Variants in CACNA2D3 observed in about 807,000 individuals in gnomAD.
The protein encoded by CACNA2D3 is calcium voltage-gated channel auxiliary subunit alpha2delta 3.
In CACNA2D3, 60 loss-of-function variants were observed where a neutral mutation model predicts 160.6. The observed-to-expected ratio is 0.37, with a 90% CI of 0.30 to 0.46. CACNA2D3 has a LOEUF of 0.46. Among genes scored for constraint, CACNA2D3 ranks in the 20% least tolerant of loss-of-function variants. The pLI is 1.00. For synonymous variants in CACNA2D3, 558 were observed against 492.9 expected, an observed-to-expected ratio of 1.13 and a Z score of -1.75; for missense variants, 1,205 against 1,365.0, an observed-to-expected ratio of 0.88 and a Z score of 1.85.
At chr3:54,485,175 A>G (rs968556911) in intron 4 of CACNA2D3, among the ~76,000 whole-genome samples, 1 of 152,132 alleles carries the variant, frequency 6.6e-6, no homozygotes, top group Non-Finnish European at 1.5e-5. Context: ...AATACAGTTT[A>G]CTACTACTAA....
intron 11 of CACNA2D3, among the ~76,000 whole-genome samples, chr3:54,672,738 A>T (rs551383263): frequency 6.6e-6 from 1 of 152,320 alleles, no homozygotes; most frequent in Admixed American, 6.5e-5. Flanking sequence ...CACATAAGGG[A>T]TCTGTGCTTC....
At chr3:55,059,503 G>A (rs983631344) in intron 35 of CACNA2D3, among the ~76,000 whole-genome samples, 12 of 152,212 alleles carry the variant, frequency 7.9e-5, no homozygotes, top group African/African-American at 2.4e-4. Context: ...TGGGGAACAT[G>A]CAGACGGGCA....
In CACNA2D3 at chr3:54,892,629, G is replaced by A. The variant is rs77687262; in HGVS notation, c.2246+1179G>A. On this transcript the variant is annotated intron_variant, in intron 25 of 37. Transcript: ENST00000474759. ...TTAAGCGTTTTTCCCCCAGACAATT[G>A]TTTTTCCAGAGGGCGAGTTCCTGGG... 7.6e-3 allele frequency among the ~76,000 whole-genome samples: 1,164 copies of A among 152,234 alleles called. 12 individuals carry two copies. The highest frequency in any genetic ancestry group is 0.012 in the Non-Finnish European group (817 of 68,010).
In CACNA2D3 at chr3:55,010,701, G is replaced by C. The variant is rs544175975; in HGVS notation, c.2875+1258G>C. Among the ~76,000 whole-genome samples, 14 of 152,276 alleles carry C rather than the reference G, an allele frequency of 9.2e-5. No homozygotes were observed. The East Asian group carries it at 2.5e-3, about 27-fold the overall frequency. On this transcript the variant is annotated intron_variant, in intron 34 of 37. Coordinates refer to ENST00000474759, the MANE Select transcript of CACNA2D3 (RefSeq NM_018398.3). Reference sequence around the variant, plus strand: ...TTAGTCACATATCAGCATTGCCCCAGGTGCTGGATCTATTTTAATCTAACA... The same window carrying C: ...TTAGTCACATATCAGCATTGCCCCACGTGCTGGATCTATTTTAATCTAACA...
chr3:54,465,982 G>A (rs1220205538), intron 4 of CACNA2D3, among the ~76,000 whole-genome samples: 1 of 152,224 alleles, frequency 6.6e-6, no homozygotes, highest in African/African-American at 2.4e-5. Flanking sequence ...CCCCTGCCTT[G>A]CTGGTTGTCC....
chr3:54,779,839 G>A (rs928519789), intron 13 of CACNA2D3, among the ~76,000 whole-genome samples: 1 of 152,130 alleles, frequency 6.6e-6, no homozygotes, highest in Admixed American at 6.5e-5. Context: ...ATCTTAATTA[G>A]GTGCTTTGAC....
chr3:54,624,472 A>G (rs930128167), intron 9 of CACNA2D3, among the ~76,000 whole-genome samples: 1 of 152,012 alleles, frequency 6.6e-6, no homozygotes, highest in Non-Finnish European at 1.5e-5. Flanking sequence ...AATACAAAAA[A>G]TTAGCCAGGC....
chr3:54,353,337 C>G (rs1017906020), intron 3 of CACNA2D3, among the ~76,000 whole-genome samples: 2 of 152,176 alleles, frequency 1.3e-5, no homozygotes, highest in Non-Finnish European at 2.9e-5. Context: ...TGGTTTGTAT[C>G]CAGCAGCTGA....
intron 13 of CACNA2D3, among the ~76,000 whole-genome samples, chr3:54,797,394 G>A (rs1234858339): frequency 6.6e-6 from 1 of 152,168 alleles, no homozygotes; most frequent in Non-Finnish European, 1.5e-5. Flanking sequence ...TACAATTTCA[G>A]TAGGTGGTAG....
intron 2 of CACNA2D3, among the ~76,000 whole-genome samples, chr3:54,141,938 A>G (rs531534827): frequency 1.3e-5 from 2 of 152,294 alleles, no homozygotes; most frequent in African/African-American, 2.4e-5. Flanking sequence ...CCTCGTGGAG[A>G]TTACAATCTA....
intron 18 of CACNA2D3, among the ~76,000 whole-genome samples, chr3:54,873,652 C>T (rs935071545): frequency 6.6e-6 from 1 of 152,144 alleles, no homozygotes; most frequent in South Asian, 2.1e-4. Flanking sequence ...CCCAGGACTG[C>T]GTTCTGTCTG....
intron 2 of CACNA2D3, among the ~76,000 whole-genome samples, chr3:54,265,584 A>ATATATATATAGTGTG (rs1162547393): frequency 6.9e-6 from 1 of 144,778 alleles, no homozygotes; most frequent in African/African-American, 2.7e-5. Flanking sequence ...TAGTGTGTGT[A>ATATATATATAGTGTG]TATATATATA....
chr3:55,071,607 TATTCTC>T (rs1559479771), intron 35 of CACNA2D3, among the ~76,000 whole-genome samples: 1 of 152,238 alleles, frequency 6.6e-6, no homozygotes, highest in Admixed American at 6.5e-5. Flanking sequence ...CAACTGGTTT[TATTCTC>T]ATTCTAAGTA....
chr3:55,018,946 C>CT (rs35956279), intron 35 of CACNA2D3, among the ~76,000 whole-genome samples: 1,258 of 118,502 alleles, frequency 0.011, 9 homozygotes, highest in African/African-American at 0.028. Context: ...TTACAGATGC[C>CT]TTTTTTTTTT....
chr3:54,124,340 T>G (rs1298075532), intron 2 of CACNA2D3, among the ~76,000 whole-genome samples: 1 of 152,116 alleles, frequency 6.6e-6, no homozygotes, highest in Non-Finnish European at 1.5e-5. Context: ...AAATGGTCCT[T>G]CGTTCTCCCC....
intron 5 of CACNA2D3, among the ~76,000 whole-genome samples, chr3:54,541,680 G>C (rs1177659356): frequency 1.3e-5 from 2 of 152,200 alleles, no homozygotes; most frequent in Admixed American, 1.3e-4. Context: ...CCGTCACGTG[G>C]TGCTGCCGGA....
intron 3 of CACNA2D3, among the ~76,000 whole-genome samples, chr3:54,333,293 G>A (rs1160562718): frequency 6.6e-6 from 1 of 152,054 alleles, no homozygotes; most frequent in Non-Finnish European, 1.5e-5. Flanking sequence ...TGGCTTGGTG[G>A]GTGCTAGGCA....
chr3:54,634,787 A>G (rs1699327769), intron 10 of CACNA2D3, among the ~76,000 whole-genome samples: 1 of 152,010 alleles, frequency 6.6e-6, no homozygotes, highest in Non-Finnish European at 1.5e-5. Context: ...GGCCATTTAC[A>G]CTTCTTTTGT....
chr3:55,066,178 G>T lies in CACNA2D3; in HGVS notation c.2988-7267G>T, dbSNP rs186885452. On this transcript the variant is annotated intron_variant, in intron 35 of 37. Coordinates refer to ENST00000474759, the MANE Select transcript of CACNA2D3 (RefSeq NM_018398.3). Reference sequence around the variant, plus strand: ...CACCTCCAAGGAGAACAGGATCCTGGTGGAGAGCCACAGTCACGTGCTCCA... The same window carrying T: ...CACCTCCAAGGAGAACAGGATCCTGTTGGAGAGCCACAGTCACGTGCTCCA... 4.5e-4 allele frequency among the ~76,000 whole-genome samples: 68 copies of T among 152,314 alleles called. No homozygotes were observed. In the East Asian group the frequency reaches 0.012, roughly 26 times the overall value.
Sources: allele counts gnomAD v4.1 joint callset (sites outside exome capture counted in the v4.1 genomes callset), GRCh38; gene constraint gnomAD v4.1.1; transcripts MANE v1.5; gene names NCBI Gene and HGNC (gene_info 2026-07-23, HGNC 2026-07-21).